The following GPM6A variants were observed in gnomAD, a reference collection of about 807,000 sequenced individuals.
GPM6A encodes neuronal membrane glycoprotein M6-a.
Under a neutral mutation model 32.1 loss-of-function variants are expected in GPM6A, and 7 were observed. The observed-to-expected ratio is 0.22, with a 90% CI of 0.12 to 0.41. The LOEUF (loss-of-function observed/expected upper bound fraction) is 0.41, where lower values mean the gene tolerates loss of function less well. Ranked by LOEUF, GPM6A falls within the 10% of genes least tolerant of loss-of-function variation. GPM6A has a pLI of 1.00. For synonymous variants in GPM6A, 130 were observed against 123.4 expected (o/e 1.05, Z -0.35); for missense variants, 235 against 347.2 (o/e 0.68, Z 2.57).
intron 1 of GPM6A, among the ~76,000 whole-genome samples, chr4:175,889,076 T>G (rs189401831): frequency 6.6e-6 from 1 of 152,186 alleles, no homozygotes; most frequent in African/African-American, 2.4e-5. Flanking sequence ...ACAAACTATA[T>G]GGTTAAAATG....
rs577479473 is a variant in GPM6A at position 175,967,197 on chromosome 4, A to G, written c.-23+35112T>C. Reference sequence around the variant, plus strand: ...CACATCACAAAGCCAAAGAATAAAAATCACGATTATGACAACAGATGCAGA... The same window carrying G: ...CACATCACAAAGCCAAAGAATAAAAGTCACGATTATGACAACAGATGCAGA... On this transcript the variant is annotated intron_variant, in intron 1 of 7. Transcript: ENST00000280187. 2.0e-5 allele frequency among the ~76,000 whole-genome samples: 3 copies of G among 152,358 alleles called. No homozygotes were observed. The South Asian group carries it at 6.2e-4, about 32-fold the overall frequency.
intron 1 of GPM6A, among the ~76,000 whole-genome samples, chr4:175,840,992 C>T (rs1434704785): frequency 6.6e-6 from 1 of 152,102 alleles, no homozygotes; most frequent in Non-Finnish European, 1.5e-5. Flanking sequence ...TACTTATTAT[C>T]CCTATTTTAC....
chr4:175,935,093 A>G (rs375943488), intron 1 of GPM6A, among the ~76,000 whole-genome samples: 1 of 152,216 alleles, frequency 6.6e-6, no homozygotes, highest in Non-Finnish European at 1.5e-5. Context: ...GGATGATATC[A>G]TTACTAAAAT....
At chr4:175,829,694 T>G (rs1342652068) in intron 1 of GPM6A, among the ~76,000 whole-genome samples, 3 of 146,926 alleles carry the variant, frequency 2.0e-5, no homozygotes, top group African/African-American at 7.5e-5. Context: ...ATTACATATA[T>G]GTATATATAT....
intron 2 of GPM6A, among the ~76,000 whole-genome samples, chr4:175,689,782 G>A (rs17061775): frequency 4.6e-5 from 7 of 152,256 alleles, no homozygotes; most frequent in Admixed American, 1.3e-4. Flanking sequence ...TGTTTGTGAG[G>A]CTTCTCCCAA....
chr4:175,862,785 C>T (rs528206228), intron 1 of GPM6A, among the ~76,000 whole-genome samples: 83 of 151,840 alleles, frequency 5.5e-4, no homozygotes, highest in African/African-American at 1.9e-3. Flanking sequence ...GCAATTCTGG[C>T]AGGTATATCC....
chr4:175,901,628 CTTTTTTTTTTTTCCTTTT>C (rs1292137476), intron 1 of GPM6A, among the ~76,000 whole-genome samples: 1 of 127,032 alleles, frequency 7.9e-6, no homozygotes, highest in Non-Finnish European at 1.6e-5. Context: ...TTTTCTTTTT[CTTTTTTTTTTTTCCTTTT>C]TTTTTTTTTT....
intron 1 of GPM6A, among the ~76,000 whole-genome samples, chr4:175,862,927 G>A (rs191822185): frequency 1.7e-3 from 254 of 152,048 alleles, no homozygotes; most frequent in African/African-American, 5.4e-3. Context: ...AATTATACCC[G>A]CACCATGAAT....
chr4:175,772,609 C>G (rs1477726566), intron 1 of GPM6A, among the ~76,000 whole-genome samples: 1 of 152,140 alleles, frequency 6.6e-6, no homozygotes, highest in Middle Eastern at 3.2e-3. Flanking sequence ...CTTCTATCCA[C>G]TCCCTCTGGA....
intron 1 of GPM6A, among the ~76,000 whole-genome samples, chr4:175,725,741 C>T (rs1746370806): frequency 6.6e-6 from 1 of 152,072 alleles, no homozygotes; most frequent in African/African-American, 2.4e-5. Context: ...GTAAATCTGT[C>T]TTCTGTCTAT....
intron 1 of GPM6A, among the ~76,000 whole-genome samples, chr4:175,771,977 C>A (rs192129732): frequency 6.6e-6 from 1 of 152,318 alleles, no homozygotes; most frequent in African/African-American, 2.4e-5. Flanking sequence ...GAGAGGCCAA[C>A]AGACTTATTT....
intron 1 of GPM6A, among the ~76,000 whole-genome samples, chr4:175,940,229 T>C (rs2126339626): frequency 6.6e-6 from 1 of 152,258 alleles, no homozygotes; most frequent in South Asian, 2.1e-4. Context: ...AACGTAAATA[T>C]GATTCAGATA....
chr4:175,917,264 G>T (rs1263665794), intron 1 of GPM6A, among the ~76,000 whole-genome samples: 2 of 150,824 alleles, frequency 1.3e-5, no homozygotes, highest in South Asian at 2.1e-4. Context: ...GTTTTGTTTT[G>T]TTTTTTTTTA....
chr4:175,639,543 A>C, intron 6 of GPM6A, among the ~76,000 whole-genome samples: 1 of 152,168 alleles, frequency 6.6e-6, no homozygotes, highest in South Asian at 2.1e-4. Flanking sequence ...TTGGCATTCC[A>C]GTGGGCATAC....
intron 1 of GPM6A, among the ~76,000 whole-genome samples, chr4:176,001,723 C>A (rs1219931809): frequency 1.3e-5 from 2 of 152,214 alleles, no homozygotes; most frequent in African/African-American, 4.8e-5. Context: ...CAACCTCAAA[C>A]CTTTTGTGCA....
At chr4:175,704,780 G>A (rs898785118) in intron 1 of GPM6A, among the ~76,000 whole-genome samples, 2 of 152,150 alleles carry the variant, frequency 1.3e-5, no homozygotes, top group Non-Finnish European at 2.9e-5. Context: ...AGATGAACAT[G>A]TTTCACAAAA....
Position 175,640,156 on chromosome 4 carries a change from A to G in GPM6A, c.657T>C (p.Ala219=), listed in dbSNP as rs750687194. 1 of 1,613,906 alleles carries G rather than the reference A, an allele frequency of 6.2e-7. No individual in the cohort carries two copies. The highest frequency in any genetic ancestry group is 8.5e-7 in the Non-Finnish European group (1 of 1,179,778). The change falls in exon 6 of 7, where the codon GCT becomes GCC. Residue 219 remains alanine, a synonymous_variant. Transcript: ENST00000393658. ...TAGCAATGACTGCTGCCCCAGCTCC[A>G]GCAAGTGCCACAATAAACAAGTGGA... is the stretch of plus-strand genomic sequence containing the variant. ...MTFHLFIVAL[A]GAGAAVIAMV...
At chr4:175,695,817 A>G (rs1744547380) in intron 2 of GPM6A, among the ~76,000 whole-genome samples, 1 of 152,148 alleles carries the variant, frequency 6.6e-6, no homozygotes, top group Non-Finnish European at 1.5e-5. Context: ...GCAGAATGAT[A>G]TGATTTGGAT....
At chr4:175,896,034 T>A (rs1277398898) in intron 1 of GPM6A, among the ~76,000 whole-genome samples, 2 of 152,226 alleles carry the variant, frequency 1.3e-5, no homozygotes, top group Non-Finnish European at 2.9e-5. Context: ...AAAATATAAT[T>A]TGTAGTAGCT....
Sources: allele counts gnomAD v4.1 joint callset (sites outside exome capture counted in the v4.1 genomes callset), GRCh38; gene constraint gnomAD v4.1.1; transcripts MANE v1.5; gene names NCBI Gene and HGNC (gene_info 2026-07-23, HGNC 2026-07-21).